The following CAT variants were observed in gnomAD, a reference collection of about 807,000 sequenced individuals.
CAT encodes the protein epididymis secretory sperm binding protein.
Under a neutral mutation model 59.0 loss-of-function variants are expected in CAT, and 43 were observed. That is an observed-to-expected ratio of 0.73 (90% CI 0.57 to 0.94). The LOEUF (loss-of-function observed/expected upper bound fraction) is 0.94. Among genes scored for constraint, CAT ranks in the 40% least tolerant of loss-of-function variants. The pLI is 0.00. For missense variants in CAT, 664 were observed against 682.9 expected (o/e 0.97, Z 0.31); for synonymous variants, 218 against 230.9 (o/e 0.94, Z 0.51).
Position 34,456,183 on chromosome 11 carries a change from A to G in CAT, c.884A>G (p.Asn295Ser). 1 of 1,613,662 alleles carries G rather than the reference A, an allele frequency of 6.2e-7. No individual in the cohort carries two copies. The highest frequency in any genetic ancestry group is 2.2e-5 in the East Asian group (1 of 44,876). ...TFNQAETFPF[N>S]PFDLTKVWPH... is the part of the protein sequence containing the mutation. ...AATCAGGCAGAAACTTTTCCATTTAATCCATTCGATCTCACCAAGGTGAGT... is the reference window on the plus strand; with the variant it reads ...AATCAGGCAGAAACTTTTCCATTTAGTCCATTCGATCTCACCAAGGTGAGT... Residue 295 changes from asparagine (N) to serine (S), a missense_variant, in exon 7 of 13, where the codon AAT becomes AGT. By Grantham distance (46) the Asn-to-Ser change is conservative. Coordinates refer to ENST00000241052, the MANE Select transcript of CAT (RefSeq NM_001752.4).
intron 3 of CAT, 39 bp from the exon 4 acceptor site, chr11:34,452,038 C>T: frequency 6.2e-7 from 1 of 1,612,856 alleles, no homozygotes; most frequent in Non-Finnish European, 8.5e-7. Context: ...ATGCAAAGTG[C>T]TGTGGCTTAT....
In CAT at chr11:34,464,118, T is replaced by C. The variant is rs1483178187; in HGVS notation, c.1209T>C (p.Asn403=). 1.2e-6 allele frequency: 2 copies of C among 1,614,194 alleles called. No homozygotes were observed. ...TTTGTTTTGAAGGTGGTGCTCCAAA[T>C]TACTACCCCAACAGCTTTGGTGCTC... ...CMQDNQGGAP[N]YYPNSFGAPE... Residue 403 remains asparagine (N), a synonymous_variant, in exon 10 of 13, where the codon AAT becomes AAC. Coordinates refer to ENST00000241052, the MANE Select transcript of CAT (RefSeq NM_001752.4).
intron 1 of CAT, among the ~76,000 whole-genome samples, chr11:34,443,976 C>T (rs1394854059): frequency 6.6e-6 from 1 of 152,094 alleles, no homozygotes; most frequent in Non-Finnish European, 1.5e-5. Flanking sequence ...GGAGATGGGA[C>T]AGAAATTTTT....
intron 11 of CAT, chr11:34,470,609 A>G: frequency 2.9e-6 from 1 of 349,532 alleles, no homozygotes; most frequent in Non-Finnish European, 5.6e-6. Context: ...TATATAAAAG[A>G]CAGTACATTC....
intron 1 of CAT, among the ~76,000 whole-genome samples, chr11:34,448,699 G>A (rs548815436): frequency 6.6e-6 from 1 of 152,150 alleles, no homozygotes; most frequent in South Asian, 2.1e-4. Flanking sequence ...CAAATAGCTG[G>A]TGTACATTTC....
chr11:34,462,080 G>GA (rs1279441421), intron 9 of CAT, among the ~76,000 whole-genome samples: 6 of 152,102 alleles, frequency 3.9e-5, no homozygotes, highest in Middle Eastern at 3.4e-3. Context: ...ACAGCCTCTG[G>GA]TTCTAATTAC....
intron 1 of CAT, among the ~76,000 whole-genome samples, chr11:34,442,839 T>G (rs1002012455): frequency 5.3e-5 from 8 of 152,128 alleles, no homozygotes; most frequent in African/African-American, 1.9e-4. Context: ...TCACTGCCAC[T>G]TACATTCTGT....
intron 1 of CAT, among the ~76,000 whole-genome samples, chr11:34,448,230 A>G (rs1484194996): frequency 6.6e-6 from 1 of 152,200 alleles, no homozygotes; most frequent in African/African-American, 2.4e-5. Flanking sequence ...TACTAAAAAT[A>G]GTGCTTTTCT....
intron 9 of CAT, among the ~76,000 whole-genome samples, chr11:34,463,541 G>A (rs1032207842): frequency 3.9e-5 from 6 of 152,150 alleles, no homozygotes; most frequent in Admixed American, 6.5e-5. Flanking sequence ...AAAACCCAGA[G>A]TTCCAACCCC....
rs147110621 is a variant in CAT at position 34,453,010 on chromosome 11, T to C, written c.481-80T>C. ...TTAGAATTATAATCCATAAACCTAG[T>C]AATAGGCATATATAATGAAAGACAC... On this transcript the variant is annotated intron_variant, in intron 4 of 12. Coordinates refer to ENST00000241052, the MANE Select transcript of CAT (RefSeq NM_001752.4). 9 of 818,282 alleles carry C rather than the reference T, an allele frequency of 1.1e-5. No individual in the cohort carries two copies. The East Asian group carries it at 2.2e-4, about 20-fold the overall frequency. The allele number at this position is 818,282 out of a possible 1,614,324, so 50.7% of individuals were successfully genotyped here.
chr11:34,470,815 G>A, intron 11 of CAT, 143 bp from the exon 12 acceptor site: 1 of 772,464 alleles, frequency 1.3e-6, no homozygotes, highest in Admixed American at 1.7e-5. Context: ...TCTGAGGCTG[G>A]CATTGTTAAA....
At chr11:34,470,828 C>A (rs1856764371) in intron 11 of CAT, 130 bp from the exon 12 acceptor site, 2 of 802,682 alleles carry the variant, frequency 2.5e-6, no homozygotes, top group African/African-American at 3.4e-5. Flanking sequence ...TTGTTAAACA[C>A]CTGTAGTACT....
chr11:34,470,976 G>A lies in CAT; in HGVS notation c.1453G>A (p.Val485Ile), dbSNP rs773029609. ...GCCTTAGGTCAAGAACTTCACTGAG[G>A]TCCACCCTGACTACGGGAGCCACAT... ...QKKAVKNFTE[V>I]HPDYGSHIQA... The change falls in exon 12 of 13, where the codon GTC becomes ATC. Residue 485 changes from valine (V) to isoleucine (I), a missense_variant. Physicochemically the swap from Val to Ile is conservative, Grantham distance 29. Transcript: ENST00000241052. 6.2e-7 allele frequency: 1 copy of A among 1,614,106 alleles called. No homozygotes were observed. The highest frequency in any genetic ancestry group is 1.1e-5 in the South Asian group (1 of 91,082).
intron 12 of CAT, 44 bp downstream of exon 12, chr11:34,471,085 G>T: frequency 9.3e-6 from 14 of 1,512,266 alleles, no homozygotes; most frequent in Non-Finnish European, 1.3e-5. Flanking sequence ...GTGTGTGCTG[G>T]GTTGGAGTAG....
At position 34,442,867 on chromosome 11, in the gene CAT, C is replaced by T. The variant is rs17885881; in HGVS notation, c.66+3788C>T. 5.3e-3 allele frequency among the ~76,000 whole-genome samples: 800 copies of T among 152,282 alleles called. 10 individuals carry two copies. Among genetic ancestry groups the T allele is most frequent in the African/African-American group, 0.019 (774 of 41,560 alleles). On this transcript the variant is annotated intron_variant, in intron 1 of 12. Coordinates refer to ENST00000241052, the MANE Select transcript of CAT (RefSeq NM_001752.4). ...CATTCTGTTGGCTAGAACTCTGTTA[C>T]AGGCCACACCTGGGGTAGTCTACCC...
intron 1 of CAT, among the ~76,000 whole-genome samples, chr11:34,439,859 T>C (rs1311608634): frequency 6.6e-6 from 1 of 152,090 alleles, no homozygotes; most frequent in Non-Finnish European, 1.5e-5. Context: ...CTAATAGAGG[T>C]TATCTGTAGA....
At chr11:34,461,146 T>G (rs1025653058) in intron 8 of CAT, 105 bp from the exon 9 acceptor site, 7 of 1,243,156 alleles carry the variant, frequency 5.6e-6, no homozygotes, top group Admixed American at 3.4e-5. Flanking sequence ...GTGGTAACCA[T>G]GTACAGAGTG....
At chr11:34,466,912 G>T (rs1254592556) in intron 10 of CAT, among the ~76,000 whole-genome samples, 1 of 151,370 alleles carries the variant, frequency 6.6e-6, no homozygotes, top group East Asian at 1.9e-4. Context: ...GAATTTAATA[G>T]ATGGCTTTTA....
intron 10 of CAT, among the ~76,000 whole-genome samples, chr11:34,468,060 T>C (rs1856739084): frequency 6.6e-6 from 1 of 152,142 alleles, no homozygotes; most frequent in African/African-American, 2.4e-5. Context: ...TTATAGCAGT[T>C]ACTATAAAGG....
Sources: allele counts gnomAD v4.1 joint callset (sites outside exome capture counted in the v4.1 genomes callset), GRCh38; gene constraint gnomAD v4.1.1; transcripts MANE v1.5; gene names NCBI Gene and HGNC (gene_info 2026-07-23, HGNC 2026-07-21).